NELL2: variants seen among roughly 807,000 people sequenced by gnomAD.
The protein encoded by NELL2 is neural EGFL like 2.
In NELL2, 41 loss-of-function variants were observed where a neutral mutation model predicts 109.6. That is an observed-to-expected ratio of 0.37 (90% CI 0.29 to 0.49). The LOEUF (loss-of-function observed/expected upper bound fraction) is 0.49, where lower values mean the gene tolerates loss of function less well. Among genes scored for constraint, NELL2 ranks in the 20% least tolerant of loss-of-function variants. The pLI is 0.98. For missense variants in NELL2, 900 were observed against 1,008.3 expected, an observed-to-expected ratio of 0.89 and a Z score of 1.45; for synonymous variants, 355 against 344.7, an observed-to-expected ratio of 1.03 and a Z score of -0.33.
chr12:44,627,930 A>G (rs1946323420), intron 13 of NELL2, among the ~76,000 whole-genome samples: 1 of 152,234 alleles, frequency 6.6e-6, no homozygotes, highest in Non-Finnish European at 1.5e-5. Context: ...CCTGGAAACC[A>G]CACCAGAAGG....
At chr12:44,713,729 A>T (rs193201977) in intron 10 of NELL2, among the ~76,000 whole-genome samples, 1 of 151,928 alleles carries the variant, frequency 6.6e-6, no homozygotes, top group African/African-American at 2.4e-5. Context: ...AGGATTTCCA[A>T]ATTAAGATGC....
At chr12:44,705,543 C>T (rs1937826663) in intron 11 of NELL2, among the ~76,000 whole-genome samples, 2 of 152,156 alleles carry the variant, frequency 1.3e-5, no homozygotes, top group African/African-American at 4.8e-5. Context: ...CTTTTTATTT[C>T]CTTCTTCTTT....
At chr12:44,819,289 GAAA>G (rs998943527) in intron 2 of NELL2, among the ~76,000 whole-genome samples, 35 of 152,158 alleles carry the variant, frequency 2.3e-4, no homozygotes, top group African/African-American at 7.9e-4. Context: ...CTTCAAGAAA[GAAA>G]AAAACTGGAA....
chr12:44,595,540 C>T (rs1355098544), intron 15 of NELL2, among the ~76,000 whole-genome samples: 2 of 151,966 alleles, frequency 1.3e-5, no homozygotes, highest in Non-Finnish European at 2.9e-5. Context: ...CATTCTCCTG[C>T]CTCAGCCTCC....
At chr12:44,796,980 T>C (rs758894673) in intron 3 of NELL2, among the ~76,000 whole-genome samples, 2 of 152,080 alleles carry the variant, frequency 1.3e-5, no homozygotes, top group African/African-American at 2.4e-5. Context: ...GGAGCTATGA[T>C]TCTGGAGATA....
At chr12:44,685,844 T>G (rs970081061) in intron 12 of NELL2, among the ~76,000 whole-genome samples, 1 of 152,138 alleles carries the variant, frequency 6.6e-6, no homozygotes, top group African/African-American at 2.4e-5. Flanking sequence ...TGGCTGCCCT[T>G]AACATTTTTT....
intron 15 of NELL2, among the ~76,000 whole-genome samples, chr12:44,556,087 A>C (rs1320755468): frequency 6.6e-6 from 1 of 152,172 alleles, no homozygotes; most frequent in Non-Finnish European, 1.5e-5. Flanking sequence ...TACATAAGAG[A>C]AGGGAGGGGT....
At chr12:44,756,484 AT>A (rs1240638627) in intron 9 of NELL2, among the ~76,000 whole-genome samples, 5 of 152,062 alleles carry the variant, frequency 3.3e-5, no homozygotes, top group African/African-American at 1.2e-4. Context: ...AGCCAAATGT[AT>A]TGCAAAAAGC....
intron 12 of NELL2, among the ~76,000 whole-genome samples, chr12:44,685,622 A>C (rs1327640949): frequency 6.6e-6 from 1 of 152,010 alleles, no homozygotes; most frequent in African/African-American, 2.4e-5. Context: ...TGGTGATAAA[A>C]TCTCTCAGCA....
rs1938200010 is a variant in NELL2, at chr12:44,711,478, T to A, written c.1087-84A>T. On this transcript the variant is annotated intron_variant, in intron 10 of 19. Coordinates refer to ENST00000429094, the MANE Select transcript of NELL2 (RefSeq NM_001145108.2). ...TTCCAGATCCAGCATCTGAGAAGAC[T>A]CTTTTAAGATCAAGAAATTTTTGTC... is the stretch of plus-strand genomic sequence containing the variant. 8.5e-6 allele frequency: 10 copies of A among 1,170,528 alleles called. No homozygotes were observed. In the South Asian group the frequency reaches 1.3e-4, roughly 15 times the overall value. 72.5% of individuals were successfully genotyped at this position (1,170,528 alleles called of 1,614,324 possible). A position where few individuals can be genotyped will look rare whatever the true frequency, so the allele number is the denominator to read the frequency against.
chr12:44,788,484 A>G (rs1942263041), intron 3 of NELL2, among the ~76,000 whole-genome samples: 1 of 152,228 alleles, frequency 6.6e-6, no homozygotes, highest in Non-Finnish European at 1.5e-5. Context: ...ATACAAGCGT[A>G]GAGGAAGCAG....
chr12:44,792,008 T>C (rs900709163), intron 3 of NELL2, among the ~76,000 whole-genome samples: 2 of 150,104 alleles, frequency 1.3e-5, no homozygotes, highest in African/African-American at 4.9e-5. Flanking sequence ...AGGAAACCAG[T>C]GTGGCCAGGG....
intron 13 of NELL2, among the ~76,000 whole-genome samples, chr12:44,635,819 A>G (rs1048922187): frequency 6.6e-6 from 1 of 152,194 alleles, no homozygotes; most frequent in Non-Finnish European, 1.5e-5. Context: ...AATTCTGTGA[A>G]GAAAGTCAAT....
chr12:44,521,461 C>T (rs924006885), intron 18 of NELL2, among the ~76,000 whole-genome samples: 3 of 148,606 alleles, frequency 2.0e-5, no homozygotes, highest in East Asian at 2.0e-4. Context: ...ACCCGGGAGG[C>T]GGAGCTTGCA....
At chr12:44,735,400 T>C (rs1939588866) in intron 9 of NELL2, among the ~76,000 whole-genome samples, 1 of 151,892 alleles carries the variant, frequency 6.6e-6, no homozygotes, top group African/African-American at 2.4e-5. Context: ...AATACATAAA[T>C]GTAAATGAAA....
intron 3 of NELL2, among the ~76,000 whole-genome samples, chr12:44,790,650 G>A (rs11611031): frequency 0.2 from 29,976 of 151,056 alleles, 3,214 homozygotes; most frequent in South Asian, 0.29. Flanking sequence ...TGAATGCAAC[G>A]GCACCTCACA....
intron 12 of NELL2, among the ~76,000 whole-genome samples, chr12:44,672,203 C>T (rs74079135): frequency 0.011 from 1,606 of 152,264 alleles, 13 homozygotes; most frequent in African/African-American, 0.022. Context: ...TCCCCAACCC[C>T]GGGATGGCGA....
In NELL2 at chr12:44,871,287, G is replaced by T. The variant is rs548169229; in HGVS notation, c.184+3938C>A. Among the ~76,000 whole-genome samples the T allele has an allele frequency of 1.3e-4, 20 of 152,182 alleles. No homozygotes were observed. In the South Asian group the frequency reaches 3.9e-3, roughly 30 times the overall value. ...TTTCTTCATATAATTTATCTTAATG[G>T]TGATTAGGTCTGTAACTATGTAATT... is the stretch of plus-strand genomic sequence containing the variant. On this transcript the variant is annotated intron_variant, in intron 2 of 19. Transcript: ENST00000429094.
chr12:44,610,802 T>TG (rs748619301), intron 14 of NELL2, 46 bp downstream of exon 14: 18 of 1,610,426 alleles, frequency 1.1e-5, no homozygotes, highest in Non-Finnish European at 1.4e-5. Context: ...TAGAGATGGA[T>TG]GGCATTATAC....
Sources: gnomAD v4.1 joint callset for allele counts (sites outside exome capture counted in the v4.1 genomes callset) on GRCh38, gnomAD v4.1.1 for gene constraint, MANE v1.5 for transcripts, NCBI Gene and HGNC (gene_info 2026-07-23, HGNC 2026-07-21) for gene names.